Variants in DPYD observed in about 807,000 individuals in gnomAD.
DPYD encodes the protein dihydropyrimidine dehydrogenase.
Under a neutral mutation model 116.2 loss-of-function variants are expected in DPYD, and 109 were observed. That is an observed-to-expected ratio of 0.94 (90% CI 0.80 to 1.10). DPYD has a LOEUF of 1.10. Among genes scored for constraint, DPYD ranks in the 50% least tolerant of loss-of-function variants. DPYD has a pLI of 0.00. For synonymous variants in DPYD, 440 were observed against 432.0 expected (o/e 1.02, Z -0.23); for missense variants, 1,302 against 1,254.5 (o/e 1.04, Z -0.57).
intron 8 of DPYD, among the ~76,000 whole-genome samples, chr1:97,628,595 CAAT>C (rs1033892166): frequency 2.6e-5 from 4 of 151,750 alleles, no homozygotes; most frequent in African/African-American, 9.7e-5. Flanking sequence ...GAAATCTTGC[CAAT>C]AATAATAATG....
chr1:97,781,070 G>C (rs543276790), intron 3 of DPYD, among the ~76,000 whole-genome samples: 2 of 152,226 alleles, frequency 1.3e-5, no homozygotes, highest in African/African-American at 4.8e-5. Context: ...CACAGCCACA[G>C]AAAACCAAGA....
chr1:97,237,669 A>T (rs930251133), intron 18 of DPYD, among the ~76,000 whole-genome samples: 1 of 152,212 alleles, frequency 6.6e-6, no homozygotes. Flanking sequence ...ACTAAAAGAA[A>T]TCTACATAAC....
chr1:97,883,070 T>G (rs1014220196), intron 2 of DPYD, among the ~76,000 whole-genome samples, 194 bp downstream of exon 2: 2 of 152,090 alleles, frequency 1.3e-5, no homozygotes, highest in African/African-American at 4.8e-5. Flanking sequence ...ATATAATTTG[T>G]ATTTCAGGAG....
chr1:97,902,364 A>G (rs1673411730), intron 1 of DPYD, among the ~76,000 whole-genome samples: 1 of 151,816 alleles, frequency 6.6e-6, no homozygotes, highest in African/African-American at 2.4e-5. Context: ...TACTTCTGAT[A>G]AGAAACCATA....
chr1:97,419,341 A>T (rs1674452853), intron 14 of DPYD, among the ~76,000 whole-genome samples: 1 of 152,050 alleles, frequency 6.6e-6, no homozygotes, highest in Non-Finnish European at 1.5e-5. Context: ...ACCACTCAAA[A>T]ACTCATCACC....
intron 18 of DPYD, among the ~76,000 whole-genome samples, chr1:97,288,530 A>T (rs1266956662): frequency 6.6e-6 from 1 of 152,036 alleles, no homozygotes; most frequent in Non-Finnish European, 1.5e-5. Context: ...GGATTAAGAA[A>T]CTCACTCAAA....
chr1:97,641,104 C>A (rs899064585), intron 8 of DPYD, among the ~76,000 whole-genome samples: 5 of 152,132 alleles, frequency 3.3e-5, no homozygotes, highest in African/African-American at 1.2e-4. Context: ...TATGGCACTG[C>A]TGAGACTGTC....
intron 21 of DPYD, among the ~76,000 whole-genome samples, chr1:97,089,287 G>A (rs1031094716): frequency 2.6e-5 from 4 of 152,108 alleles, no homozygotes; most frequent in Non-Finnish European, 4.4e-5. Flanking sequence ...GAAAGCATTC[G>A]GGGGACTTTA....
intron 14 of DPYD, among the ~76,000 whole-genome samples, chr1:97,432,576 G>A (rs918917872): frequency 9.3e-5 from 14 of 151,202 alleles, no homozygotes; most frequent in African/African-American, 2.4e-5. Context: ...CCAATTCTAT[G>A]TGTGGGTCTG....
At chr1:97,739,239 T>C (rs1664130158) in intron 4 of DPYD, among the ~76,000 whole-genome samples, 1 of 152,142 alleles carries the variant, frequency 6.6e-6, no homozygotes, top group Non-Finnish European at 1.5e-5. Context: ...AAACTAATAA[T>C]TCCACATAAA....
chr1:97,199,576 T>G (rs1279409142), intron 19 of DPYD, among the ~76,000 whole-genome samples: 2 of 151,784 alleles, frequency 1.3e-5, no homozygotes, highest in Non-Finnish European at 1.5e-5. Context: ...ACATTTTTGG[T>G]CAAATACTGC....
chr1:97,847,198 T>C (rs1384653276), intron 2 of DPYD, among the ~76,000 whole-genome samples: 2 of 152,160 alleles, frequency 1.3e-5, no homozygotes, highest in Non-Finnish European at 2.9e-5. Context: ...AACCACAAAA[T>C]AAATTTGGAA....
chr1:97,694,584 T>G (rs947237893), intron 6 of DPYD, among the ~76,000 whole-genome samples: 4 of 152,174 alleles, frequency 2.6e-5, no homozygotes, highest in Non-Finnish European at 5.9e-5. Flanking sequence ...AACAGTAAGC[T>G]TTGGTTCTTG....
At chr1:97,478,701 G>C (rs61789179) in intron 13 of DPYD, among the ~76,000 whole-genome samples, 1 of 152,310 alleles carries the variant, frequency 6.6e-6, no homozygotes, top group South Asian at 2.1e-4. Flanking sequence ...CATGTCTTTT[G>C]AAGTCATTCA....
chr1:97,704,780 TG>T (rs1661822899), intron 5 of DPYD, among the ~76,000 whole-genome samples: 2 of 152,006 alleles, frequency 1.3e-5, no homozygotes, highest in African/African-American at 4.8e-5. Flanking sequence ...AAATGTCAGT[TG>T]TCCATCAACT....
chr1:97,734,462 C>A (rs546368071), intron 4 of DPYD, among the ~76,000 whole-genome samples: 2 of 152,098 alleles, frequency 1.3e-5, no homozygotes, highest in East Asian at 3.9e-4. Context: ...TATAATAAAT[C>A]TTTTTTGTCT....
At chr1:97,354,645 G>A (rs1350731145) in intron 16 of DPYD, among the ~76,000 whole-genome samples, 1 of 152,060 alleles carries the variant, frequency 6.6e-6, no homozygotes, top group African/African-American at 2.4e-5. Context: ...GTCACAGAAG[G>A]AAGAAAATTA....
intron 12 of DPYD, 91 bp from the exon 13 acceptor site, chr1:97,516,032 G>A (rs904861389): frequency 4.9e-6 from 6 of 1,212,306 alleles, no homozygotes; most frequent in African/African-American, 1.5e-5. Flanking sequence ...CACAGCATCC[G>A]AATTAATATA....
intron 8 of DPYD, among the ~76,000 whole-genome samples, chr1:97,659,464 T>A (rs1428267262): frequency 1.3e-5 from 2 of 152,200 alleles, no homozygotes; most frequent in Non-Finnish European, 2.9e-5. Context: ...TTTGATTATC[T>A]GTATTGCTCT....
Sources: gnomAD v4.1 joint callset for allele counts (sites outside exome capture counted in the v4.1 genomes callset) on GRCh38, gnomAD v4.1.1 for gene constraint, MANE v1.5 for transcripts, NCBI Gene and HGNC (gene_info 2026-07-23, HGNC 2026-07-21) for gene names.